Variants in CYSLTR1 observed in about 807,000 individuals in gnomAD.
The protein encoded by CYSLTR1 is G-protein coupled receptor HG55.
Under a neutral mutation model 2.1 loss-of-function variants are expected in CYSLTR1, and 1 was observed. That is an observed-to-expected ratio of 0.48 (90% confidence interval 0.17 to 2.28). The LOEUF (loss-of-function observed/expected upper bound fraction) is 2.28, where lower values mean the gene tolerates loss of function less well. Among genes scored for constraint, CYSLTR1 ranks in the 30% most tolerant of loss-of-function variants. CYSLTR1 has a pLI of 0.26. For synonymous variants in CYSLTR1, 110 were observed against 89.6 expected, an observed-to-expected ratio of 1.23 and a Z score of -1.28; for missense variants, 299 against 250.1, an observed-to-expected ratio of 1.20 and a Z score of -1.32.
intron 1 of CYSLTR1, among the ~76,000 whole-genome samples, chrX:78,286,115 C>G (rs148134340): frequency 9.0e-6 from 1 of 111,090 alleles, no homozygotes; most frequent in African/African-American, 3.3e-5. Context: ...ATAACCTGGT[C>G]AAGCTCTAGT....
At chrX:78,279,662 C>T (rs747564703) in intron 2 of CYSLTR1, among the ~76,000 whole-genome samples, 31 of 112,036 alleles carry the variant, frequency 2.8e-4, no homozygotes, top group African/African-American at 9.7e-4. Context: ...TTCATTGCAG[C>T]AAAATTCACA....
intron 1 of CYSLTR1, among the ~76,000 whole-genome samples, chrX:78,302,280 G>T (rs1397002777): frequency 8.9e-6 from 1 of 112,270 alleles, no homozygotes; most frequent in Non-Finnish European, 1.9e-5. Context: ...GGTGAATGCT[G>T]CCTAGCCTTG....
rs1264988748 is a variant in CYSLTR1 at position 78,272,531 on chromosome X, T to C, written c.*202A>G. On this transcript the variant is annotated 3_prime_UTR_variant, in exon 3 of 3. Transcript: ENST00000373304. ...TCAAAATTATTTATAATTCAGTTCA[T>C]AGTTGTGGACCGAATTTTTAGCACT... 7 of 308,435 alleles carry C rather than the reference T, an allele frequency of 2.3e-5. No individual in the cohort carries two copies. The highest frequency in any genetic ancestry group is 5.9e-5 in the Admixed American group (1 of 16,924). 25.4% of individuals were successfully genotyped at this position (308,435 alleles called of 1,213,427 possible).
At chrX:78,278,037 T>A (rs769155982) in intron 2 of CYSLTR1, among the ~76,000 whole-genome samples, 1 of 111,891 alleles carries the variant, frequency 8.9e-6, no homozygotes, top group African/African-American at 3.2e-5. Context: ...TCCAATAAAA[T>A]GATACAAGAG....
intron 1 of CYSLTR1, among the ~76,000 whole-genome samples, chrX:78,323,702 G>A (rs1194239328): frequency 1.8e-5 from 2 of 111,410 alleles, no homozygotes; most frequent in Non-Finnish European, 3.8e-5. Flanking sequence ...CCCTTTTAGG[G>A]AAAAGGGATT....
At chrX:78,306,908 C>T (rs928086277) in intron 1 of CYSLTR1, among the ~76,000 whole-genome samples, 1 of 111,940 alleles carries the variant, frequency 8.9e-6, no homozygotes, top group Non-Finnish European at 1.9e-5. Flanking sequence ...TGTAAAATGA[C>T]AATTGGACTT....
Position 78,293,597 on chromosome X carries a change from C to T in CYSLTR1, c.-114-10057G>A, listed in dbSNP as rs139807309. On this transcript the variant is annotated intron_variant, in intron 1 of 2. Coordinates refer to ENST00000373304, the MANE Select transcript of CYSLTR1 (RefSeq NM_006639.4). ...TTTTCCAACTTGGTTCCATTCTCCC[C>T]GTCATGTTCAGGTACACCAATCAGA... is the stretch of plus-strand genomic sequence containing the variant. Among the ~76,000 whole-genome samples the T allele has an allele frequency of 1.5e-4, 17 of 111,997 alleles. No individual in the cohort carries two copies. The East Asian group carries it at 4.2e-3, about 28-fold the overall frequency.
At chrX:78,284,867 C>T (rs1447916964) in intron 1 of CYSLTR1, among the ~76,000 whole-genome samples, 1 of 110,315 alleles carries the variant, frequency 9.1e-6, no homozygotes, top group African/African-American at 3.3e-5. Flanking sequence ...TATTGGAGTT[C>T]GAACCCCCCT....
At position 78,305,403 on chromosome X, in the gene CYSLTR1, ACAAACTTCCACCCT is replaced by A. The variant is rs774841654; in HGVS notation, c.-114-21877_-114-21864del. 4.5e-4 allele frequency among the ~76,000 whole-genome samples: 50 copies of A among 111,885 alleles called. No individual in the cohort carries two copies. The Middle Eastern group carries it at 0.014, about 31-fold the overall frequency. On this transcript the variant is annotated intron_variant, in intron 1 of 2. Transcript: ENST00000373304. ...TTAGAGTCCAAATCCCTAAAAGCAA[ACAAACTTCCACCCT>A]CACCCTTCTGATCAAAGTTGTCCCT... is the stretch of plus-strand genomic sequence containing the variant.
intron 1 of CYSLTR1, among the ~76,000 whole-genome samples, chrX:78,289,758 C>T (rs1922235323): frequency 8.9e-6 from 1 of 112,279 alleles, no homozygotes; most frequent in Non-Finnish European, 1.9e-5. Flanking sequence ...GCATAAATGT[C>T]TTCTTTTGAG....
intron 1 of CYSLTR1, among the ~76,000 whole-genome samples, chrX:78,290,329 T>C (rs146414357): frequency 1.5e-3 from 171 of 111,840 alleles, no homozygotes; most frequent in Middle Eastern, 0.014. Flanking sequence ...GTATACCTGT[T>C]TTGGTACCAG....
chrX:78,274,068 G>C (rs1035044944), intron 2 of CYSLTR1, among the ~76,000 whole-genome samples: 4 of 111,371 alleles, frequency 3.6e-5, no homozygotes, highest in Middle Eastern at 4.6e-3. Flanking sequence ...TCATACTACT[G>C]TAGTACAATT....
chrX:78,299,863 C>A (rs1288782682), intron 1 of CYSLTR1, among the ~76,000 whole-genome samples: 1 of 111,208 alleles, frequency 9.0e-6, no homozygotes, highest in Non-Finnish European at 1.9e-5. Context: ...TGATACTATC[C>A]CTTTGAACAT....
At chrX:78,314,415 C>G (rs1276499046) in intron 1 of CYSLTR1, among the ~76,000 whole-genome samples, 1 of 111,696 alleles carries the variant, frequency 9.0e-6, no homozygotes, top group Non-Finnish European at 1.9e-5. Context: ...AGGTATGTCA[C>G]TTTAACAACT....
intron 1 of CYSLTR1, among the ~76,000 whole-genome samples, chrX:78,309,415 T>C (rs1359663303): frequency 8.9e-6 from 1 of 111,950 alleles, no homozygotes; most frequent in Non-Finnish European, 1.9e-5. Context: ...TATTCAATTC[T>C]TTGAAAAATT....
chrX:78,287,196 A>T (rs1569552250), intron 1 of CYSLTR1, among the ~76,000 whole-genome samples: 1 of 112,026 alleles, frequency 8.9e-6, no homozygotes. Flanking sequence ...TCTTTTATAG[A>T]TTGTGATTTT....
rs973744020 is a variant in CYSLTR1, at chrX:78,302,291, G to A, written c.-114-18751C>T. ...TTGTGGTGAATGCTGCCTAGCCTTG[G>A]ACTCACCCTGCATGGCAGTGGGCTC... On this transcript the variant is annotated intron_variant, in intron 1 of 2. Coordinates refer to ENST00000373304, the MANE Select transcript of CYSLTR1 (RefSeq NM_006639.4). Among the ~76,000 whole-genome samples the A allele has an allele frequency of 2.7e-5, 3 of 112,205 alleles. No individual in the cohort carries two copies. In the Admixed American group the frequency reaches 2.8e-4, roughly 11 times the overall value.
intron 2 of CYSLTR1, among the ~76,000 whole-genome samples, chrX:78,281,427 C>T (rs550324254): frequency 8.2e-5 from 9 of 110,313 alleles, no homozygotes; most frequent in African/African-American, 2.0e-4. Flanking sequence ...TGTGCCATCA[C>T]GCCCAGCTAA....
chrX:78,282,727 C>A (rs143041846), intron 2 of CYSLTR1, among the ~76,000 whole-genome samples: 16 of 111,031 alleles, frequency 1.4e-4, no homozygotes, highest in African/African-American at 5.2e-4. Context: ...ACAGTGAGAC[C>A]CTGTATCTAA....
Sources: gnomAD v4.1 joint callset for allele counts (sites outside exome capture counted in the v4.1 genomes callset) on GRCh38, gnomAD v4.1.1 for gene constraint, MANE v1.5 for transcripts, NCBI Gene and HGNC (gene_info 2026-07-23, HGNC 2026-07-21) for gene names.